PTPRD: variants seen among roughly 807,000 people sequenced by gnomAD.
PTPRD encodes the protein protein tyrosine phosphatase receptor type D.
PTPRD carries 34 observed loss-of-function variants against 214.5 expected under a neutral mutation model. The observed-to-expected ratio is 0.16, with a 90% CI of 0.12 to 0.21. PTPRD has a LOEUF of 0.21. Among genes scored for constraint, PTPRD ranks in the 10% least tolerant of loss-of-function variants. The pLI is 1.00. For synonymous variants in PTPRD, 1,128 were observed against 845.7 expected (o/e 1.33, Z -5.79); for missense variants, 2,545 against 2,398.7 (o/e 1.06, Z -1.27).
chr9:9,939,271 T>C (rs1426224929), intron 4 of PTPRD, among the ~76,000 whole-genome samples: 1 of 152,170 alleles, frequency 6.6e-6, no homozygotes, highest in African/African-American at 2.4e-5. Context: ...GGTAGGGTCT[T>C]GTACTGCACA....
At chr9:9,454,877 T>A (rs1016620418) in intron 8 of PTPRD, among the ~76,000 whole-genome samples, 1 of 151,420 alleles carries the variant, frequency 6.6e-6, no homozygotes, top group African/African-American at 2.4e-5. Context: ...ATATTATGCA[T>A]GATTACTGGT....
intron 3 of PTPRD, among the ~76,000 whole-genome samples, chr9:10,211,466 G>C (rs940676198): frequency 3.9e-5 from 6 of 152,142 alleles, no homozygotes; most frequent in African/African-American, 1.4e-4. Flanking sequence ...GACCATGGAT[G>C]AAGCTGTGAG....
intron 10 of PTPRD, among the ~76,000 whole-genome samples, chr9:9,151,184 T>A (rs1381938754): frequency 1.3e-5 from 2 of 152,258 alleles, no homozygotes; most frequent in Non-Finnish European, 2.9e-5. Flanking sequence ...TCTCAATGAA[T>A]TCTAGTCCTT....
intron 3 of PTPRD, among the ~76,000 whole-genome samples, chr9:10,206,776 T>C (rs2099484590): frequency 6.6e-6 from 1 of 152,130 alleles, no homozygotes; most frequent in African/African-American, 2.4e-5. Context: ...AGTTAAAGAA[T>C]GGACACACAG....
intron 8 of PTPRD, among the ~76,000 whole-genome samples, chr9:9,562,519 C>T (rs947949042): frequency 1.1e-4 from 17 of 152,142 alleles, no homozygotes; most frequent in African/African-American, 4.1e-4. Context: ...CTCTACCTGA[C>T]CTGCCTTCAA....
At chr9:10,388,190 A>G (rs548385892) in intron 2 of PTPRD, among the ~76,000 whole-genome samples, 7 of 152,058 alleles carry the variant, frequency 4.6e-5, no homozygotes, top group African/African-American at 1.7e-4. Context: ...AGATGCTATA[A>G]TATGGGTATT....
chr9:9,200,727 G>T (rs1286479980), intron 9 of PTPRD, among the ~76,000 whole-genome samples: 1 of 152,212 alleles, frequency 6.6e-6, no homozygotes, highest in South Asian at 2.1e-4. Flanking sequence ...GAGGTATCAA[G>T]AAATACCCTG....
chr9:8,728,252 A>G (rs1041166126), intron 12 of PTPRD, among the ~76,000 whole-genome samples: 3 of 151,614 alleles, frequency 2.0e-5, no homozygotes, highest in African/African-American at 4.9e-5. Context: ...CTCCATCTCG[A>G]AAAAAAAGAA....
intron 5 of PTPRD, among the ~76,000 whole-genome samples, chr9:9,839,498 A>ACTT (rs1300694822): frequency 6.6e-6 from 1 of 152,074 alleles, no homozygotes; most frequent in African/African-American, 2.4e-5. Flanking sequence ...CTTACAAGGG[A>ACTT]CATGAAGGAC....
intron 10 of PTPRD, among the ~76,000 whole-genome samples, chr9:9,028,630 C>T (rs1435552122): frequency 6.6e-6 from 1 of 151,920 alleles, no homozygotes; most frequent in Non-Finnish European, 1.5e-5. Context: ...TCTGTCTTCT[C>T]TATGAAAGAC....
At chr9:10,559,659 C>T (rs967268504) in intron 2 of PTPRD, among the ~76,000 whole-genome samples, 46 of 152,130 alleles carry the variant, frequency 3.0e-4, no homozygotes, top group African/African-American at 9.9e-4. Context: ...AACCTACTCA[C>T]CTGAAAAAGG....
intron 11 of PTPRD, among the ~76,000 whole-genome samples, chr9:8,842,247 G>A (rs1047330596): frequency 6.6e-6 from 1 of 152,162 alleles, no homozygotes; most frequent in Non-Finnish European, 1.5e-5. Flanking sequence ...ATTTTCTCAA[G>A]TTCTGTGACC....
intron 15 of PTPRD, 39 bp downstream of exon 15, chr9:8,528,552 A>G (rs63618864): frequency 6.6e-7 from 1 of 1,524,928 alleles, no homozygotes; most frequent in East Asian, 2.3e-5. Flanking sequence ...AAAAAAAAAA[A>G]TTCTCTAGGA....
chr9:8,433,144 A>ATC (rs1467438258), intron 35 of PTPRD, among the ~76,000 whole-genome samples: 5 of 152,194 alleles, frequency 3.3e-5, no homozygotes, highest in African/African-American at 1.2e-4. Flanking sequence ...TAAGAGACTG[A>ATC]TCCATAAAAC....
chr9:8,579,470 C>A (rs1158646923), intron 14 of PTPRD, among the ~76,000 whole-genome samples: 1 of 152,116 alleles, frequency 6.6e-6, no homozygotes, highest in Non-Finnish European at 1.5e-5. Flanking sequence ...ATTCATTCCA[C>A]GTTCATTTGT....
At chr9:10,570,714 G>A (rs976588113) in intron 2 of PTPRD, among the ~76,000 whole-genome samples, 1 of 152,000 alleles carries the variant, frequency 6.6e-6, no homozygotes, top group Non-Finnish European at 1.5e-5. Flanking sequence ...ATTTACAAAT[G>A]CGATTTTCCC....
At chr9:9,891,493 T>A (rs1424263637) in intron 5 of PTPRD, among the ~76,000 whole-genome samples, 1 of 152,008 alleles carries the variant, frequency 6.6e-6, no homozygotes, top group Non-Finnish European at 1.5e-5. Context: ...GTCACATAAA[T>A]GCTATGTATA....
chr9:9,911,937 A>G lies in PTPRD; in HGVS notation c.-368+26570T>C, dbSNP rs111248987. On this transcript the variant is annotated intron_variant, in intron 5 of 45. Coordinates refer to ENST00000381196, the MANE Select transcript of PTPRD (RefSeq NM_002839.4). ...TCATCTGTTTTTTCTTGTCACTGTT[A>G]TGGAACCAGCTTATACTACCATAAT... is the stretch of plus-strand genomic sequence containing the variant. Among the ~76,000 whole-genome samples the G allele has an allele frequency of 5.2e-3, 787 of 152,226 alleles. 4 individuals are homozygous for G. Among genetic ancestry groups the G allele is most frequent in the African/African-American group, 0.018 (736 of 41,584 alleles).
chr9:8,449,690 G>T (rs765680206), intron 34 of PTPRD, 35 bp downstream of exon 34: 1 of 1,583,894 alleles, frequency 6.3e-7, no homozygotes, highest in Non-Finnish European at 8.7e-7. Flanking sequence ...TTCTGGGAAA[G>T]ACTGTGTGTG....
Sources: allele counts gnomAD v4.1 joint callset (sites outside exome capture counted in the v4.1 genomes callset), GRCh38; gene constraint gnomAD v4.1.1; transcripts MANE v1.5; gene names NCBI Gene and HGNC (gene_info 2026-07-23, HGNC 2026-07-21).